ESPN: variants seen among roughly 807,000 people sequenced by gnomAD.
ESPN encodes espin, also known as autosomal recessive deafness type 36 protein.
Under a neutral mutation model 77.7 loss-of-function variants are expected in ESPN, and 68 were observed. The observed-to-expected ratio is 0.87, with a 90% CI of 0.72 to 1.07. The LOEUF (loss-of-function observed/expected upper bound fraction) is 1.07, where lower values mean the gene tolerates loss of function less well. ESPN is among the 50% of genes least tolerant of loss of function. ESPN has a pLI of 0.00. For missense variants in ESPN, 1,060 were observed against 1,239.0 expected (o/e 0.86, Z 2.17); for synonymous variants, 449 against 567.1 (o/e 0.79, Z 2.96).
chr1:6,453,027 G>C (rs1458119680), intron 10 of ESPN, among the ~76,000 whole-genome samples: 1 of 152,130 alleles, frequency 6.6e-6, no homozygotes, highest in Admixed American at 6.5e-5. Flanking sequence ...CGAGTAGCTG[G>C]GACTACAAAT....
intron 2 of ESPN, among the ~76,000 whole-genome samples, chr1:6,438,749 G>A (rs1183364271): frequency 2.0e-5 from 3 of 152,256 alleles, no homozygotes; most frequent in Admixed American, 6.5e-5. Flanking sequence ...CTGCACCATT[G>A]ACTGAATTCT....
At chr1:6,455,855 CG>C in intron 10 of ESPN, 1 of 398,890 alleles carries the variant, frequency 2.5e-6, no homozygotes, top group Non-Finnish European at 4.4e-6. Context: ...ACCGGTTCTT[CG>C]GAAACGGCCT....
chr1:6,455,250 C>T (rs1172787684), intron 10 of ESPN: 10 of 389,798 alleles, frequency 2.6e-5, no homozygotes, highest in Non-Finnish European at 4.5e-5. Context: ...GCGCGGCGTC[C>T]AGGACTACCT....
At chr1:6,426,103 A>G (rs1643024331) in intron 1 of ESPN, among the ~76,000 whole-genome samples, 2 of 152,096 alleles carry the variant, frequency 1.3e-5, no homozygotes, top group South Asian at 2.1e-4. Flanking sequence ...GGGAGGAACC[A>G]CAACCGATTT....
chr1:6,446,464 T>C (rs1283094926), intron 7 of ESPN, among the ~76,000 whole-genome samples: 1 of 152,118 alleles, frequency 6.6e-6, no homozygotes, highest in Non-Finnish European at 1.5e-5. Context: ...GGTTCCAGTT[T>C]AGGGCTTGAG....
Position 6,428,572 on chromosome 1 carries a change from C to T in ESPN, c.488+153C>T, listed in dbSNP as rs569393479. On this transcript the variant is annotated intron_variant, in intron 2 of 12. Transcript: ENST00000645284. This position sits in a 1 kb window ranked among gnomAD's most constrained non-coding sequence, Gnocchi z 5.4. ...AGGGCCAGGCCAGAGAAATGGCTCCCACTCAACATGAAATTTTCCCCTCCT... is the reference window on the plus strand; with the variant it reads ...AGGGCCAGGCCAGAGAAATGGCTCCTACTCAACATGAAATTTTCCCCTCCT... Among the ~76,000 whole-genome samples the T allele has an allele frequency of 4.6e-5, 7 of 152,272 alleles. No homozygotes were observed. Among genetic ancestry groups the T allele is most frequent in the African/African-American group, 1.7e-4 (7 of 41,558 alleles).
intron 6 of ESPN, 106 bp from the exon 7 acceptor site, chr1:6,445,558 C>G: frequency 7.7e-7 from 1 of 1,304,952 alleles, no homozygotes; most frequent in Non-Finnish European, 1.1e-6. Context: ...TGCCCGGAGC[C>G]CACCTTGCCC....
chr1:6,451,691 G>T lies in ESPN; in HGVS notation c.2004G>T (p.Thr668=). ...EIKAGKSLKP[T]PQSKGLTTVF... ...AGGCAGGCAAGAGCCTGAAGCCGACGCCCCAGAGCAAGGGGCTGACCACAG... is the reference window on the plus strand; with the variant it reads ...AGGCAGGCAAGAGCCTGAAGCCGACTCCCCAGAGCAAGGGGCTGACCACAG... Residue 668 remains threonine, a synonymous_variant, in exon 9 of 13, where the codon ACG becomes ACT. Transcript: ENST00000645284. This position sits in a 1 kb window ranked among gnomAD's most constrained non-coding sequence, Gnocchi z 4.3. The T allele has an allele frequency of 1.2e-6, 2 of 1,613,124 alleles. No homozygotes were observed. The highest frequency in any genetic ancestry group is 1.7e-6 in the Non-Finnish European group (2 of 1,179,916).
At position 6,445,736 on chromosome 1, in the gene ESPN, G is replaced by A. The variant is rs79108571; in HGVS notation, c.1265G>A (p.Arg422Gln). 1.7e-3 allele frequency: 2,763 copies of A among 1,609,346 alleles called. 50 individuals are homozygous for A. The African/African-American group carries it at 0.033, about 19-fold the overall frequency. ...CTGAACCCGGAGCTGGGCCTGCCTC[G>A]GGGCACGATTGGGAAGCCCACACCC... Reference protein sequence around the residue: ...DMLNPELGLPRGTIGKPTPPP... With the variant: ...DMLNPELGLPQGTIGKPTPPP... Residue 422 changes from arginine (R) to glutamine (Q), a missense_variant, in exon 7 of 13, where the codon CGG becomes CAG. Transcript: ENST00000645284.
Position 6,448,832 on chromosome 1 carries a change from C to T in ESPN, c.1656C>T (p.Gly552=). The change falls in exon 8 of 13, where the codon GGC becomes GGT. Residue 552 remains glycine, a synonymous_variant. Coordinates refer to ENST00000645284, the MANE Select transcript of ESPN (RefSeq NM_031475.3). ...GTGCCCGCCAGCCCGCGCGCGCCGG[C>T]TGCCCGCGCCTCGGCCCTGCCGCCC... ...EVRARQPARA[G]CPRLGPAARG... The T allele has an allele frequency of 8.1e-7, 1 of 1,236,624 alleles. No individual in the cohort carries two copies. The highest frequency in any genetic ancestry group is 1.0e-6 in the Non-Finnish European group (1 of 993,782). 76.6% of individuals were successfully genotyped at this position (1,236,624 alleles called of 1,614,324 possible).
intron 12 of ESPN, among the ~76,000 whole-genome samples, chr1:6,458,969 G>A (rs1386381036): frequency 1.4e-5 from 2 of 139,562 alleles, no homozygotes; most frequent in East Asian, 2.2e-4. Flanking sequence ...GGCTGGGCTC[G>A]GTGGCTCACG....
In ESPN at chr1:6,427,612, T is replaced by C. The variant is rs1468352321; in HGVS notation, c.295-614T>C. On this transcript the variant is annotated intron_variant, in intron 1 of 12. Transcript: ENST00000645284. This position sits in a 1 kb window ranked among gnomAD's most constrained non-coding sequence, Gnocchi z 4.6. ...CCACAGGGGCGAGAACACAGGCTGC[T>C]CCTGTGGCTGGGCACTGGCGAGTCT... is the stretch of plus-strand genomic sequence containing the variant. 1.3e-5 allele frequency among the ~76,000 whole-genome samples: 2 copies of C among 152,180 alleles called. No homozygotes were observed. The highest frequency in any genetic ancestry group is 2.9e-5 in the Non-Finnish European group (2 of 68,026).
Position 6,424,988 on chromosome 1 carries a change from G to A in ESPN, c.33G>A (p.Arg11=). The change falls in exon 1 of 13, where the codon CGG becomes CGA. Residue 11 remains arginine, a synonymous_variant. Coordinates refer to ENST00000645284, the MANE Select transcript of ESPN (RefSeq NM_031475.3). ...TGGAGCAGGCGCTGCAGGCGGCGCG[G>A]CAGGGCGAGCTGGACGTGCTGAGGT... MALEQALQAA[R]QGELDVLRSL... 6.9e-7 allele frequency: 1 copy of A among 1,459,296 alleles called. No individual in the cohort carries two copies. The highest frequency in any genetic ancestry group is 1.3e-5 in the South Asian group (1 of 77,008). 90.4% of individuals were successfully genotyped at this position (1,459,296 alleles called of 1,614,324 possible).
chr1:6,432,632 T>C (rs545676001), intron 2 of ESPN, among the ~76,000 whole-genome samples: 9 of 152,216 alleles, frequency 5.9e-5, no homozygotes, highest in Non-Finnish European at 1.3e-4. Context: ...AGCAGCACAC[T>C]GCTGGGGCAT....
chr1:6,454,826 G>T (rs1157122642), intron 10 of ESPN: 3 of 396,570 alleles, frequency 7.6e-6, no homozygotes, highest in Non-Finnish European at 1.3e-5. Flanking sequence ...CCGCTGACAC[G>T]GGCCAGCCGC....
chr1:6,428,172 C>T lies in ESPN; in HGVS notation c.295-54C>T. 3.1e-6 allele frequency: 5 copies of T among 1,599,478 alleles called. No homozygotes were observed. Among genetic ancestry groups the T allele is most frequent in the South Asian group, 2.2e-5 (2 of 90,596 alleles). On this transcript the variant is annotated intron_variant, in intron 1 of 12. Coordinates refer to ENST00000645284, the MANE Select transcript of ESPN (RefSeq NM_031475.3). This position sits in a 1 kb window ranked among gnomAD's most constrained non-coding sequence, Gnocchi z 5.4. ...TGTGGGAGTCTGGGAGTGGCCCAAG[C>T]CAGGGGCGGGGCAGCAACAGGCTTT... is the stretch of plus-strand genomic sequence containing the variant.
Position 6,424,810 on chromosome 1 carries a change from A to T in ESPN, c.-146A>T. 1.2e-6 allele frequency: 1 copy of T among 801,410 alleles called. No homozygotes were observed. The highest frequency in any genetic ancestry group is 1.7e-6 in the Non-Finnish European group (1 of 598,396). The allele number at this position is 801,410 out of a possible 1,614,324, so 49.6% of individuals were successfully genotyped here. On this transcript the variant is annotated 5_prime_UTR_variant, in exon 1 of 13. Transcript: ENST00000645284. ...CGGAGCGGAGCGCCAGGCAGCGCGG[A>T]GCGGAGGCCAGGCCCACAGCCGCTC...
In ESPN at chr1:6,440,597, GCCCCCCTCT is replaced by G; in HGVS notation, c.676-24_676-16del. The stretch of plus-strand genomic sequence containing the variant: ...TACAGGGGCCTGGCGCCCAGCCCCC[GCCCCCCTCT>G]CCCCGCCCGTCCCGCCCAGGTGAGC... On this transcript the variant is annotated intron_variant, in intron 3 of 12. Transcript: ENST00000645284. 1.4e-6 allele frequency: 1 copy of G among 704,622 alleles called. No individual in the cohort carries two copies. The highest frequency in any genetic ancestry group is 2.2e-6 in the Non-Finnish European group (1 of 452,164). 43.6% of individuals were successfully genotyped at this position (704,622 alleles called of 1,614,324 possible).
intron 5 of ESPN, among the ~76,000 whole-genome samples, chr1:6,443,693 G>C (rs1221164173): frequency 6.6e-6 from 1 of 152,236 alleles, no homozygotes; most frequent in Non-Finnish European, 1.5e-5. Flanking sequence ...GCCAATGAGC[G>C]CGGCCGCTGA....
Sources: allele counts gnomAD v4.1 joint callset (sites outside exome capture counted in the v4.1 genomes callset), GRCh38; gene constraint gnomAD v4.1.1; non-coding constraint Gnocchi (gnomAD v3.1); transcripts MANE v1.5; gene names NCBI Gene and HGNC (gene_info 2026-07-23, HGNC 2026-07-21).